The following WDR70 variants were observed in gnomAD, a reference collection of about 807,000 sequenced individuals.
The protein encoded by WDR70 is WD repeat domain 70, also known as WD repeat-containing protein 70.
A neutral mutation model predicts 88.6 loss-of-function variants in WDR70; 53 were observed. That is an observed-to-expected ratio of 0.60 (90% confidence interval 0.48 to 0.75). The LOEUF is 0.75. WDR70 is among the 30% of genes least tolerant of loss of function. WDR70 has a pLI of 0.00. For missense variants in WDR70, 610 were observed against 823.2 expected (o/e 0.74, Z 3.17); for synonymous variants, 280 against 270.0 (o/e 1.04, Z -0.36).
intron 5 of WDR70, among the ~76,000 whole-genome samples, chr5:37,407,522 T>TA (rs1339936211): frequency 6.6e-6 from 1 of 151,748 alleles, no homozygotes. Flanking sequence ...GATTCCATCT[T>TA]AAAAAAAATA....
At chr5:37,578,374 A>G (rs764962599) in intron 9 of WDR70, among the ~76,000 whole-genome samples, 4 of 152,128 alleles carry the variant, frequency 2.6e-5, no homozygotes, top group Non-Finnish European at 4.4e-5. Flanking sequence ...ATTTTATTTT[A>G]TAGCTCTAAG....
chr5:37,614,957 A>G (rs1012346598), intron 10 of WDR70, among the ~76,000 whole-genome samples: 1 of 152,086 alleles, frequency 6.6e-6, no homozygotes, highest in African/African-American at 2.4e-5. Flanking sequence ...ATACTCTTAG[A>G]GAGAAAATAG....
chr5:37,529,866 A>T (rs933339358), intron 9 of WDR70, among the ~76,000 whole-genome samples: 1 of 152,206 alleles, frequency 6.6e-6, no homozygotes, highest in Non-Finnish European at 1.5e-5. Context: ...TATGTTGAGT[A>T]GAAGTGGGGA....
At chr5:37,438,083 A>G in intron 6 of WDR70, 102 bp downstream of exon 6, 1 of 941,512 alleles carries the variant, frequency 1.1e-6, no homozygotes, top group Admixed American at 2.9e-5. Context: ...TATACAATCA[A>G]CTGATGACAT....
intron 9 of WDR70, among the ~76,000 whole-genome samples, chr5:37,567,527 T>C (rs970260229): frequency 4.6e-5 from 7 of 152,178 alleles, no homozygotes; most frequent in Non-Finnish European, 7.3e-5. Flanking sequence ...GTTAACTCTT[T>C]TTTTCCATGC....
chr5:37,675,709 C>T (rs1021710121), intron 10 of WDR70, among the ~76,000 whole-genome samples: 23 of 152,270 alleles, frequency 1.5e-4, no homozygotes, highest in African/African-American at 4.1e-4. Flanking sequence ...ATTGCCTTGG[C>T]GATGCGAGTT....
At chr5:37,555,953 A>G (rs1292224242) in intron 9 of WDR70, among the ~76,000 whole-genome samples, 7 of 152,136 alleles carry the variant, frequency 4.6e-5, no homozygotes, top group African/African-American at 1.7e-4. Context: ...TCCTGACGTC[A>G]GGTGATCCAC....
chr5:37,576,708 G>A (rs1479342740), intron 9 of WDR70, among the ~76,000 whole-genome samples: 1 of 150,668 alleles, frequency 6.6e-6, no homozygotes, highest in Non-Finnish European at 1.5e-5. Context: ...AAAATTGAGT[G>A]ATTTATGATC....
chr5:37,610,857 G>T (rs947711564), intron 10 of WDR70, among the ~76,000 whole-genome samples: 5 of 152,148 alleles, frequency 3.3e-5, no homozygotes, highest in Non-Finnish European at 7.4e-5. Context: ...AATGTTCATA[G>T]TTTACTAAAC....
intron 10 of WDR70, among the ~76,000 whole-genome samples, chr5:37,620,343 G>A (rs1447364835): frequency 6.6e-6 from 1 of 152,128 alleles, no homozygotes; most frequent in Non-Finnish European, 1.5e-5. Context: ...ATGCTGCATT[G>A]ATGCTCATGG....
chr5:37,564,735 C>T (rs189427414), intron 9 of WDR70, among the ~76,000 whole-genome samples: 43 of 152,222 alleles, frequency 2.8e-4, no homozygotes, highest in Middle Eastern at 3.4e-3. Context: ...TGAGACTCCC[C>T]TTGGTATGAC....
At chr5:37,731,473 A>G (rs556478803) in intron 17 of WDR70, among the ~76,000 whole-genome samples, 17 of 152,286 alleles carry the variant, frequency 1.1e-4, no homozygotes, top group East Asian at 1.9e-4. Flanking sequence ...CTTCATTTGA[A>G]TAGTATTTAT....
chr5:37,456,256 A>G (rs764484581), intron 7 of WDR70, among the ~76,000 whole-genome samples: 3 of 152,146 alleles, frequency 2.0e-5, no homozygotes, highest in Admixed American at 6.5e-5. Flanking sequence ...CCTTACCTAC[A>G]CTTGGTATTG....
chr5:37,616,900 CCTTAAA>C (rs1057390738), intron 10 of WDR70, among the ~76,000 whole-genome samples: 159 of 152,148 alleles, frequency 1.0e-3, no homozygotes, highest in African/African-American at 3.7e-3. Context: ...AATCATTGTT[CCTTAAA>C]CTTACTATCA....
At chr5:37,397,977 C>CAGAGCG in intron 5 of WDR70, among the ~76,000 whole-genome samples, 2 of 139,142 alleles carry the variant, frequency 1.4e-5, no homozygotes, top group Non-Finnish European at 3.0e-5. Flanking sequence ...GCCTGGGTGA[C>CAGAGCG]AGATTCGGTC....
At chr5:37,743,294 G>A (rs548486753) in intron 17 of WDR70, among the ~76,000 whole-genome samples, 57 of 152,326 alleles carry the variant, frequency 3.7e-4, no homozygotes, top group African/African-American at 1.3e-3. Context: ...TGCAACCCAC[G>A]GATCAGAAGA....
chr5:37,497,060 G>C (rs1740238674), intron 8 of WDR70, among the ~76,000 whole-genome samples: 1 of 152,198 alleles, frequency 6.6e-6, no homozygotes, highest in African/African-American at 2.4e-5. Context: ...TCCTTGCTCA[G>C]AGGCAGATAT....
intron 10 of WDR70, among the ~76,000 whole-genome samples, chr5:37,640,659 T>A (rs1416778939): frequency 6.6e-6 from 1 of 152,220 alleles, no homozygotes; most frequent in African/African-American, 2.4e-5. Flanking sequence ...ATTCTTAACT[T>A]CAGTAAATTT....
chr5:37,575,959 T>A (rs1561908509), intron 9 of WDR70, among the ~76,000 whole-genome samples: 1 of 152,132 alleles, frequency 6.6e-6, no homozygotes, highest in Non-Finnish European at 1.5e-5. Flanking sequence ...ATCTGCTGGA[T>A]AATTTATTGT....
Sources: allele counts gnomAD v4.1 joint callset (sites outside exome capture counted in the v4.1 genomes callset), GRCh38; gene constraint gnomAD v4.1.1; transcripts MANE v1.5; gene names NCBI Gene and HGNC (gene_info 2026-07-23, HGNC 2026-07-21).